ZHX2: variants seen among roughly 807,000 people sequenced by gnomAD.
ZHX2 encodes the protein zinc fingers and homeoboxes 2.
A neutral mutation model predicts 21.9 loss-of-function variants in ZHX2; 6 were observed. That is an observed-to-expected ratio of 0.27 (90% CI 0.15 to 0.54). The LOEUF (loss-of-function observed/expected upper bound fraction) is 0.54. ZHX2 is among the 20% of genes least tolerant of loss of function. ZHX2 has a pLI of 0.95. For missense variants in ZHX2, 908 were observed against 1,090.7 expected (o/e 0.83, Z 2.36); for synonymous variants, 434 against 437.1 (o/e 0.99, Z 0.09).
chr8:122,947,733 G>A lies in ZHX2; in HGVS notation c.-219-3559G>A, dbSNP rs534425286. On this transcript the variant is annotated intron_variant, in intron 2 of 3. Coordinates refer to ENST00000314393, the MANE Select transcript of ZHX2 (RefSeq NM_014943.5). ...TTCAATGGAGACCTAAAAACCAGGC[G>A]GTTCTCGGGGTGGGATGTTCTGGCA... is the stretch of plus-strand genomic sequence containing the variant. Among the ~76,000 whole-genome samples, 16 of 152,212 alleles carry A rather than the reference G, an allele frequency of 1.1e-4. No individual in the cohort carries two copies. The South Asian group carries it at 2.5e-3, about 24-fold the overall frequency.
chr8:122,900,147 G>A (rs1820193508), intron 2 of ZHX2, among the ~76,000 whole-genome samples: 2 of 152,192 alleles, frequency 1.3e-5, no homozygotes, highest in Admixed American at 1.3e-4. Flanking sequence ...TCCATTTTGT[G>A]TTGCTATAAA....
At position 122,817,512 on chromosome 8, in the gene ZHX2, T is replaced by C. The variant is rs1024711137; in HGVS notation, c.-283+35566T>C. 3.3e-5 allele frequency among the ~76,000 whole-genome samples: 5 copies of C among 152,148 alleles called. 1 individual carries two copies. Among genetic ancestry groups the C allele is most frequent in the Non-Finnish European group, 5.9e-5 (4 of 67,976 alleles). Reference sequence around the variant, plus strand: ...ACAAGGCACTGCTGGGCACACTACCTCCTCAGCATGGGAAAAGGGGGCTGC... The same window carrying C: ...ACAAGGCACTGCTGGGCACACTACCCCCTCAGCATGGGAAAAGGGGGCTGC... On this transcript the variant is annotated intron_variant, in intron 1 of 3. Coordinates refer to ENST00000314393, the MANE Select transcript of ZHX2 (RefSeq NM_014943.5).
intron 1 of ZHX2, among the ~76,000 whole-genome samples, chr8:122,785,207 A>G (rs13255307): frequency 0.25 from 38,792 of 152,210 alleles, 5,403 homozygotes; most frequent in Middle Eastern, 0.32. Context: ...AACAATGTCC[A>G]GAGGTGTAGC....
chr8:122,785,714 T>C (rs1244881672), intron 1 of ZHX2, among the ~76,000 whole-genome samples: 1 of 152,044 alleles, frequency 6.6e-6, no homozygotes, highest in East Asian at 1.9e-4. Context: ...GGTTGTTGAG[T>C]TGGCAGGGAG....
chr8:122,965,031 C>CT (rs140185712), intron 3 of ZHX2, among the ~76,000 whole-genome samples: 8,653 of 111,434 alleles, frequency 0.078, 939 homozygotes, highest in African/African-American at 0.25. Flanking sequence ...CTTCTCTCTT[C>CT]TGTTTTTTTT....
chr8:122,885,699 C>G (rs528974261), intron 2 of ZHX2, among the ~76,000 whole-genome samples: 2 of 152,260 alleles, frequency 1.3e-5, no homozygotes, highest in East Asian at 3.9e-4. Context: ...TTAGCATGCA[C>G]TAAGCCTTCT....
chr8:122,955,080 G>GGC (rs986169707), intron 3 of ZHX2, among the ~76,000 whole-genome samples: 1 of 143,646 alleles, frequency 7.0e-6, no homozygotes, highest in Non-Finnish European at 1.5e-5. Flanking sequence ...GGGGGGGGGG[G>GGC]GGTGGCAGGG....
At chr8:122,875,329 A>G (rs1176466052) in intron 2 of ZHX2, among the ~76,000 whole-genome samples, 1 of 151,918 alleles carries the variant, frequency 6.6e-6, no homozygotes, top group East Asian at 1.9e-4. Flanking sequence ...TAAAAAACAA[A>G]CAAAACAAAG....
chr8:122,882,104 A>G (rs1384602012), intron 2 of ZHX2, among the ~76,000 whole-genome samples: 1 of 152,160 alleles, frequency 6.6e-6, no homozygotes, highest in African/African-American at 2.4e-5. Flanking sequence ...TTCTGATTTT[A>G]GGAGTTTCTA....
chr8:122,826,054 A>T lies in ZHX2; in HGVS notation c.-282-37423A>T, dbSNP rs116583716. ...CTCTAAGGGTGATCACACCTTCTGC[A>T]GCTGAAGGGAGTACAAAGAAACACT... is the stretch of plus-strand genomic sequence containing the variant. On this transcript the variant is annotated intron_variant, in intron 1 of 3. Coordinates refer to ENST00000314393, the MANE Select transcript of ZHX2 (RefSeq NM_014943.5). Among the ~76,000 whole-genome samples, 777 of 152,302 alleles carry T rather than the reference A, an allele frequency of 5.1e-3. 6 individuals are homozygous for T. Among genetic ancestry groups the T allele is most frequent in the African/African-American group, 0.018 (746 of 41,568 alleles).
chr8:122,888,034 G>A (rs552822854), intron 2 of ZHX2, among the ~76,000 whole-genome samples: 3 of 152,104 alleles, frequency 2.0e-5, no homozygotes, highest in Admixed American at 6.5e-5. Context: ...AGGTTGTTCC[G>A]AGGGTTCCAA....
At chr8:122,831,957 T>C (rs1818387745) in intron 1 of ZHX2, among the ~76,000 whole-genome samples, 1 of 152,122 alleles carries the variant, frequency 6.6e-6, no homozygotes, top group South Asian at 2.1e-4. Flanking sequence ...ATAGTGTGCA[T>C]GTGGGGTGGT....
At chr8:122,841,269 G>A (rs984471071) in intron 1 of ZHX2, among the ~76,000 whole-genome samples, 1 of 152,098 alleles carries the variant, frequency 6.6e-6, no homozygotes, top group Non-Finnish European at 1.5e-5. Context: ...TGGGGATAGC[G>A]GGAAGTCAGC....
chr8:122,901,486 T>G (rs1820228865), intron 2 of ZHX2, among the ~76,000 whole-genome samples: 1 of 152,244 alleles, frequency 6.6e-6, no homozygotes, highest in African/African-American at 2.4e-5. Flanking sequence ...TGTTTCAGAA[T>G]GTGCTCCCAA....
intron 3 of ZHX2, among the ~76,000 whole-genome samples, chr8:122,954,643 A>C (rs1813245971): frequency 6.6e-6 from 1 of 152,174 alleles, no homozygotes; most frequent in Non-Finnish European, 1.5e-5. Context: ...TGAAAAAAGA[A>C]GAAAAATGGG....
chr8:122,815,735 C>T (rs1303055502), intron 1 of ZHX2: 1 of 152,252 alleles, frequency 6.6e-6, no homozygotes, highest in East Asian at 1.9e-4. Flanking sequence ...TCGCATGCTA[C>T]AGAGAAAGCT....
chr8:122,818,480 C>G (rs936959008), intron 1 of ZHX2, among the ~76,000 whole-genome samples: 1 of 151,924 alleles, frequency 6.6e-6, no homozygotes, highest in African/African-American at 2.4e-5. Context: ...ATGCTGGACC[C>G]GCTCCCTCCT....
intron 2 of ZHX2, among the ~76,000 whole-genome samples, chr8:122,885,653 G>A (rs1211628301): frequency 6.6e-6 from 1 of 152,140 alleles, no homozygotes; most frequent in Non-Finnish European, 1.5e-5. Context: ...ACAATTTGAG[G>A]CAGCGTTGCT....
intron 1 of ZHX2, chr8:122,816,343 T>C (rs1408962916): frequency 6.6e-6 from 1 of 152,220 alleles, no homozygotes; most frequent in Non-Finnish European, 1.5e-5. Context: ...AAAATTCATG[T>C]GACTCACTTT....
Sources: allele counts gnomAD v4.1 joint callset (sites outside exome capture counted in the v4.1 genomes callset), GRCh38; gene constraint gnomAD v4.1.1; transcripts MANE v1.5; gene names NCBI Gene and HGNC (gene_info 2026-07-23, HGNC 2026-07-21).